FEZ2: variants seen among roughly 807,000 people sequenced by gnomAD.
FEZ2 encodes fasciculation and elongation protein zeta 2.
In FEZ2, 51 loss-of-function variants were observed where a neutral mutation model predicts 40.4. That is an observed-to-expected ratio of 1.26 (90% CI 1.01 to 1.59). The LOEUF (loss-of-function observed/expected upper bound fraction) is 1.59, where lower values mean the gene tolerates loss of function less well. FEZ2 is among the 40% of genes most tolerant of loss of function. The pLI is 0.00. For missense variants in FEZ2, 640 were observed against 438.3 expected, an observed-to-expected ratio of 1.46 and a Z score of -4.11; for synonymous variants, 242 against 172.0, an observed-to-expected ratio of 1.41 and a Z score of -3.18.
chr2:36,566,500 T>A (rs75715919), intron 5 of FEZ2, among the ~76,000 whole-genome samples: 21 of 150,960 alleles, frequency 1.4e-4, no homozygotes, highest in Non-Finnish European at 2.5e-4. Context: ...AAAAAAAAAA[T>A]GTCAGATACT....
intron 1 of FEZ2, among the ~76,000 whole-genome samples, chr2:36,596,532 C>A (rs916707910): frequency 6.6e-6 from 1 of 152,248 alleles, no homozygotes; most frequent in East Asian, 1.9e-4. Context: ...TGATGGCTCA[C>A]TGCAACCTTC....
intron 5 of FEZ2, among the ~76,000 whole-genome samples, chr2:36,572,069 C>T (rs967794917): frequency 1.3e-5 from 2 of 150,782 alleles, no homozygotes; most frequent in African/African-American, 2.4e-5. Flanking sequence ...AAACTCATGC[C>T]TTTTCCACTT....
chr2:36,578,973 CA>C, intron 4 of FEZ2, 108 bp from the exon 5 acceptor site: 1 of 862,528 alleles, frequency 1.2e-6, no homozygotes, highest in African/African-American at 1.7e-5. Flanking sequence ...TAATCAATGC[CA>C]AAGAGCAAAA....
intron 5 of FEZ2, among the ~76,000 whole-genome samples, chr2:36,560,469 C>G (rs547765622): frequency 1.3e-5 from 2 of 152,258 alleles, no homozygotes; most frequent in South Asian, 2.1e-4. Flanking sequence ...GTTATTTTCA[C>G]AAGCAGATTT....
At chr2:36,581,806 T>C (rs1054949856) in intron 3 of FEZ2, among the ~76,000 whole-genome samples, 1 of 151,950 alleles carries the variant, frequency 6.6e-6, no homozygotes, top group Non-Finnish European at 1.5e-5. Flanking sequence ...AACAGAAAAT[T>C]TACCATAGAC....
rs554007441 is a variant in FEZ2, at chr2:36,580,981, G to A, written c.634+309C>T. ...AGCCTGGCCAACATGACGAAACCCCGTCTCTACTAAAAATGTAAAAATTAG... is the reference window on the plus strand; with the variant it reads ...AGCCTGGCCAACATGACGAAACCCCATCTCTACTAAAAATGTAAAAATTAG... On this transcript the variant is annotated intron_variant, in intron 4 of 7. Transcript: ENST00000405912. Among the ~76,000 whole-genome samples the A allele has an allele frequency of 1.6e-3, 241 of 152,104 alleles. 1 individual carries two copies. The highest frequency in any genetic ancestry group is 5.3e-3 in the African/African-American group (219 of 41,506).
chr2:36,588,814 AAGC>A (rs980362123), intron 2 of FEZ2, among the ~76,000 whole-genome samples: 1 of 151,908 alleles, frequency 6.6e-6, no homozygotes, highest in East Asian at 1.9e-4. Flanking sequence ...CAGTTGGCTA[AAGC>A]AGCAGATGTG....
intron 1 of FEZ2, among the ~76,000 whole-genome samples, chr2:36,595,163 G>C (rs1178704807): frequency 2.0e-5 from 3 of 152,186 alleles, no homozygotes; most frequent in South Asian, 2.1e-4. Flanking sequence ...CTGAGGCTCA[G>C]AGAAGTTAAA....
chr2:36,560,921 C>G, intron 5 of FEZ2: 1 of 1,125,014 alleles, frequency 8.9e-7, no homozygotes, highest in Non-Finnish European at 1.3e-6. Context: ...AGTTCAAAGT[C>G]TATTAGTAAG....
chr2:36,581,805 T>C (rs180819212), intron 3 of FEZ2, among the ~76,000 whole-genome samples: 1 of 151,966 alleles, frequency 6.6e-6, no homozygotes, highest in East Asian at 1.9e-4. Context: ...TAACAGAAAA[T>C]TTACCATAGA....
chr2:36,574,077 A>T (rs1324456355), intron 5 of FEZ2, among the ~76,000 whole-genome samples: 1 of 152,162 alleles, frequency 6.6e-6, no homozygotes, highest in Admixed American at 6.5e-5. Flanking sequence ...TAAATTTCAG[A>T]CTCCTACAAG....
chr2:36,583,118 G>A (rs1388597400), intron 3 of FEZ2, among the ~76,000 whole-genome samples: 1 of 152,074 alleles, frequency 6.6e-6, no homozygotes, highest in Non-Finnish European at 1.5e-5. Flanking sequence ...TTGGTACCTT[G>A]CTATAATCTT....
rs367720011 is a variant in FEZ2, at chr2:36,578,699, T to C, written c.801A>G (p.Gln267=). ...TTTCTTTGTGCTCTTTCTGTTTGTTTTGCACTTCAATAAGAACAGAAATAA... is the reference window on the plus strand; with the variant it reads ...TTTCTTTGTGCTCTTTCTGTTTGTTCTGCACTTCAATAAGAACAGAAATAA... ...NSFISVLIEV[Q]NKQKEHKETA... The change falls in exon 5 of 8, where the codon CAA becomes CAG. Residue 267 remains glutamine (Q), a synonymous_variant. Transcript: ENST00000405912. 2.2e-5 allele frequency: 36 copies of C among 1,613,906 alleles called. No homozygotes were observed. Among genetic ancestry groups the C allele is most frequent in the Non-Finnish European group, 3.0e-5 (35 of 1,179,902 alleles).
intron 5 of FEZ2, among the ~76,000 whole-genome samples, chr2:36,575,581 G>A (rs983883875): frequency 5.3e-5 from 8 of 152,046 alleles, no homozygotes; most frequent in African/African-American, 1.9e-4. Context: ...ACAGCATTAT[G>A]GTTATTTTAA....
intron 5 of FEZ2, among the ~76,000 whole-genome samples, chr2:36,570,668 T>C (rs1028947274): frequency 6.6e-6 from 1 of 152,232 alleles, no homozygotes; most frequent in African/African-American, 2.4e-5. Flanking sequence ...ACTCCATACT[T>C]AGGCTACATG....
chr2:36,572,483 G>C (rs1668446800), intron 5 of FEZ2, among the ~76,000 whole-genome samples: 1 of 152,130 alleles, frequency 6.6e-6, no homozygotes, highest in Non-Finnish European at 1.5e-5. Flanking sequence ...CTAAATCAGA[G>C]ATTGGCAAAC....
chr2:36,589,555 G>A (rs922765009), intron 2 of FEZ2: 9 of 152,224 alleles, frequency 5.9e-5, no homozygotes, highest in African/African-American at 2.2e-4. Context: ...CTTCAGAGAG[G>A]AAGGGAAACT....
At chr2:36,579,065 G>GT in intron 4 of FEZ2, 200 bp from the exon 5 acceptor site, 2 of 524,024 alleles carry the variant, frequency 3.8e-6, no homozygotes, top group Non-Finnish European at 6.6e-6. Context: ...CTGAGTAGAG[G>GT]TAAGTGGGCA....
chr2:36,573,687 T>C (rs1668484268), intron 5 of FEZ2, among the ~76,000 whole-genome samples: 1 of 152,240 alleles, frequency 6.6e-6, no homozygotes, highest in African/African-American at 2.4e-5. Context: ...CAACACAGTG[T>C]GGTACTTCAA....
Sources: allele counts gnomAD v4.1 joint callset (sites outside exome capture counted in the v4.1 genomes callset), GRCh38; gene constraint gnomAD v4.1.1; transcripts MANE v1.5; gene names NCBI Gene and HGNC (gene_info 2026-07-23, HGNC 2026-07-21).